UQCRFS1: variants seen among roughly 807,000 people sequenced by gnomAD.
The protein encoded by UQCRFS1 is cytochrome b-c1 complex subunit Rieske, mitochondrial.
A neutral mutation model predicts 15.6 loss-of-function variants in UQCRFS1; 6 were observed. That is an observed-to-expected ratio of 0.38 (90% CI 0.21 to 0.76). UQCRFS1 has a LOEUF of 0.76. Ranked by LOEUF, UQCRFS1 falls within the 30% of genes least tolerant of loss-of-function variation. The pLI is 0.44. For missense variants in UQCRFS1, 203 were observed against 366.7 expected (o/e 0.55, Z 3.65); for synonymous variants, 105 against 154.3 (o/e 0.68, Z 2.37).
Position 29,207,513 on chromosome 19 carries a change from G to A in UQCRFS1, c.*35C>T. The A allele has an allele frequency of 6.5e-7, 1 of 1,547,178 alleles. No homozygotes were observed. The highest frequency in any genetic ancestry group is 8.7e-7 in the Non-Finnish European group (1 of 1,146,078). On this transcript the variant is annotated 3_prime_UTR_variant, in exon 2 of 2. Transcript: ENST00000304863. ...AATAAGTCTCCTGAGGTGACATAAA[G>A]ACTGAAAGAAGCCTATGACTTGAGT...
At chr19:29,211,746 A>C (rs1976652569) in intron 1 of UQCRFS1, among the ~76,000 whole-genome samples, 1 of 152,232 alleles carries the variant, frequency 6.6e-6, no homozygotes, top group Non-Finnish European at 1.5e-5. Flanking sequence ...ACTTAGTGGA[A>C]GGACCATGAA....
At chr19:29,212,811 C>T in intron 1 of UQCRFS1, 94 bp downstream of exon 1, 1 of 1,279,290 alleles carries the variant, frequency 7.8e-7, no homozygotes, top group Non-Finnish European at 1.0e-6. Flanking sequence ...GATTCAGGCT[C>T]CGCTCGCGCG....
In UQCRFS1 at chr19:29,207,868, A is replaced by T; in HGVS notation, c.505T>A (p.Trp169Arg). ...CGCACAAACAGGGGTTTGCCTCTCCATTTGAAAGCCATGTTCTTGCCTTCT... is the reference window on the plus strand; with the variant it reads ...CGCACAAACAGGGGTTTGCCTCTCCTTTTGAAAGCCATGTTCTTGCCTTCT... ...IPEGKNMAFK[W>R]RGKPLFVRHR... The change falls in exon 2 of 2, where the codon TGG becomes AGG. Residue 169 changes from tryptophan (W) to arginine (R), a missense_variant. This residue lies in a region of UQCRFS1 where 91 missense variants were observed against 186.9 expected (regional missense o/e 0.49). Transcript: ENST00000304863. 1 of 1,613,978 alleles carries T rather than the reference A, an allele frequency of 6.2e-7. No homozygotes were observed. The highest frequency in any genetic ancestry group is 1.1e-5 in the South Asian group (1 of 91,080).
At chr19:29,211,180 C>G (rs1976642078) in intron 1 of UQCRFS1, among the ~76,000 whole-genome samples, 1 of 19,926 alleles carries the variant, frequency 5.0e-5, no homozygotes, top group Non-Finnish European at 9.7e-5. Flanking sequence ...AACAAATTTA[C>G]AAGAAAAAAA....
intron 1 of UQCRFS1, among the ~76,000 whole-genome samples, chr19:29,208,732 T>C (rs1366697907): frequency 6.6e-6 from 1 of 152,206 alleles, no homozygotes; most frequent in Non-Finnish European, 1.5e-5. Flanking sequence ...TTCTGTGAAC[T>C]GTATAACTCT....
At chr19:29,212,217 G>C (rs1318697869) in intron 1 of UQCRFS1, among the ~76,000 whole-genome samples, 2 of 152,096 alleles carry the variant, frequency 1.3e-5, no homozygotes, top group African/African-American at 4.8e-5. Flanking sequence ...AATTCGTCTT[G>C]TCAAATCCCT....
At chr19:29,212,884 G>C (rs1599713322) in intron 1 of UQCRFS1, 21 bp downstream of exon 1, 3 of 1,423,520 alleles carry the variant, frequency 2.1e-6, no homozygotes, top group Non-Finnish European at 2.7e-6. Flanking sequence ...AGCCCTGCTC[G>C]CGGCCCTCGC....
At position 29,213,005 on chromosome 19, in the gene UQCRFS1, C is replaced by G. The variant is rs1452446936; in HGVS notation, c.114G>C (p.Pro38=). 3 of 1,409,488 alleles carry G rather than the reference C, an allele frequency of 2.1e-6. No homozygotes were observed. Among genetic ancestry groups the G allele is most frequent in the African/African-American group, 3.1e-5 (2 of 65,512 alleles). 87.3% of individuals were successfully genotyped at this position (1,409,488 alleles called of 1,614,324 possible). ...PLVQATVPAT[P]EQPVLDLKRP... ...GCTTCAGGTCCAACACAGGCTGCTCCGGGGTGGCGGGCACCGTGGCCTGCA... is the reference window on the plus strand; with the variant it reads ...GCTTCAGGTCCAACACAGGCTGCTCGGGGGTGGCGGGCACCGTGGCCTGCA... The change falls in exon 1 of 2, where the codon CCG becomes CCC. Residue 38 remains proline, a synonymous_variant. Transcript: ENST00000304863.
chr19:29,206,491 T>G lies in UQCRFS1; in HGVS notation c.*1057A>C, dbSNP rs1263070161. The G allele has an allele frequency of 1.3e-5, 2 of 152,188 alleles. No individual in the cohort carries two copies. Among genetic ancestry groups the G allele is most frequent in the Non-Finnish European group, 2.9e-5 (2 of 68,048 alleles). 9.4% of individuals were successfully genotyped at this position (152,188 alleles called of 1,614,324 possible). A position where few individuals can be genotyped will look rare whatever the true frequency, so the allele number is the denominator to read the frequency against. The stretch of plus-strand genomic sequence containing the variant: ...AAAGACAAACACATCAAAAAGTGAC[T>G]GTGATTCTCAAAGGACAAAGCCCAC... On this transcript the variant is annotated 3_prime_UTR_variant, in exon 2 of 2. Transcript: ENST00000304863.
intron 1 of UQCRFS1, among the ~76,000 whole-genome samples, chr19:29,212,588 A>C (rs1436760171): frequency 6.6e-6 from 1 of 152,216 alleles, no homozygotes; most frequent in Non-Finnish European, 1.5e-5. Flanking sequence ...TCCATTTCAC[A>C]GGAAGTACGT....
At position 29,205,834 on chromosome 19, in the gene UQCRFS1, T is replaced by C. The variant is rs1223600210; in HGVS notation, c.*1714A>G. 1 of 152,210 alleles carries C rather than the reference T, an allele frequency of 6.6e-6. No individual in the cohort carries two copies. The highest frequency in any genetic ancestry group is 2.4e-5 in the African/African-American group (1 of 41,454). The allele number at this position is 152,210 out of a possible 1,614,324, so 9.4% of individuals were successfully genotyped here. ...AGCCTTCTTTAAAAACTAAATGGTC[T>C]ACTACAATTTAACAGCATCCCACCA... On this transcript the variant is annotated 3_prime_UTR_variant, in exon 2 of 2. Transcript: ENST00000304863.
chr19:29,212,801 G>A (rs985482716), intron 1 of UQCRFS1, 104 bp downstream of exon 1: 59 of 1,233,960 alleles, frequency 4.8e-5, no homozygotes, highest in Admixed American at 8.4e-5. Context: ...AGCCCGACCT[G>A]ATTCAGGCTC....
In UQCRFS1 at chr19:29,207,452, T is replaced by G; in HGVS notation, c.*96A>C. 1 of 1,360,310 alleles carries G rather than the reference T, an allele frequency of 7.4e-7. No homozygotes were observed. The highest frequency in any genetic ancestry group is 2.4e-5 in the East Asian group (1 of 41,486). The allele number at this position is 1,360,310 out of a possible 1,614,324, so 84.3% of individuals were successfully genotyped here. A position where few individuals can be genotyped will look rare whatever the true frequency, so the allele number is the denominator to read the frequency against. Reference sequence around the variant, plus strand: ...AAATACATCATCAATTCTTACATATTTCAAATCAACTTCAAGTACAGAAGG... The same window carrying G: ...AAATACATCATCAATTCTTACATATGTCAAATCAACTTCAAGTACAGAAGG... On this transcript the variant is annotated 3_prime_UTR_variant, in exon 2 of 2. Transcript: ENST00000304863.
At chr19:29,212,097 A>G (rs544491978) in intron 1 of UQCRFS1, among the ~76,000 whole-genome samples, 148 of 152,260 alleles carry the variant, frequency 9.7e-4, no homozygotes, top group Admixed American at 2.9e-3. Context: ...CCATTTCTCT[A>G]TCTCCGATAC....
rs563840043 is a variant in UQCRFS1, at chr19:29,212,809, C to T, written c.214+96G>A. On this transcript the variant is annotated intron_variant, in intron 1 of 1. Transcript: ENST00000304863. The stretch of plus-strand genomic sequence containing the variant: ...GCCGCCCAGCCCGACCTGATTCAGG[C>T]TCCGCTCGCGCGCCCGCGGCCGCTC... 11 of 1,270,522 alleles carry T rather than the reference C, an allele frequency of 8.7e-6. No individual in the cohort carries two copies. The East Asian group carries it at 2.9e-4, about 33-fold the overall frequency. The allele number at this position is 1,270,522 out of a possible 1,614,324, so 78.7% of individuals were successfully genotyped here.
chr19:29,211,977 G>A (rs1211463575), intron 1 of UQCRFS1, among the ~76,000 whole-genome samples: 1 of 152,196 alleles, frequency 6.6e-6, no homozygotes, highest in Admixed American at 6.5e-5. Flanking sequence ...ATTTTCCCAA[G>A]TAGAAACTAG....
At chr19:29,211,536 G>A (rs1193880961) in intron 1 of UQCRFS1, among the ~76,000 whole-genome samples, 1 of 152,174 alleles carries the variant, frequency 6.6e-6, no homozygotes, top group Non-Finnish European at 1.5e-5. Context: ...ATCCGACGTT[G>A]TGAAAGATAG....
chr19:29,207,674 A>T lies in UQCRFS1; in HGVS notation c.699T>A (p.Gly233=). ...VPIANAGDFG[G]YYCPCHGSHY... is the part of the protein sequence containing the mutation. ...GTGACCCATGGCAAGGGCAGTAATA[A>T]CCACCAAAATCTCCTGCATTTGCAA... Residue 233 remains glycine, a synonymous_variant, in exon 2 of 2, where the codon GGT becomes GGA. Coordinates refer to ENST00000304863, the MANE Select transcript of UQCRFS1 (RefSeq NM_006003.3). The T allele has an allele frequency of 6.2e-6, 10 of 1,613,950 alleles. No individual in the cohort carries two copies. Among genetic ancestry groups the T allele is most frequent in the Non-Finnish European group, 8.5e-6 (10 of 1,179,868 alleles).
intron 1 of UQCRFS1, among the ~76,000 whole-genome samples, chr19:29,208,907 G>A (rs955245886): frequency 2.6e-5 from 4 of 152,256 alleles, no homozygotes; most frequent in East Asian, 1.9e-4. Flanking sequence ...GGGAAAAAAA[G>A]GGCAAAATTT....
Sources: gnomAD v4.1 joint callset for allele counts (sites outside exome capture counted in the v4.1 genomes callset) on GRCh38, gnomAD v4.1.1 for gene constraint, gnomAD v4.1.1 regional missense constraint, MANE v1.5 for transcripts, NCBI Gene and HGNC (gene_info 2026-07-23, HGNC 2026-07-21) for gene names.